Variants in PCDHGA1 observed in about 807,000 individuals in gnomAD.
PCDHGA1 encodes the protein protocadherin gamma subfamily A, 1.
In PCDHGA1, 32 loss-of-function variants were observed where a neutral mutation model predicts 58.0. That is an observed-to-expected ratio of 0.55 (90% CI 0.42 to 0.74). The LOEUF is 0.74. PCDHGA1 is among the 30% of genes least tolerant of loss of function. The pLI, the probability that PCDHGA1 is intolerant of heterozygous loss-of-function variation, is 0.00. For synonymous variants in PCDHGA1, 498 were observed against 501.1 expected, an observed-to-expected ratio of 0.99 and a Z score of 0.08; for missense variants, 1,205 against 1,182.3, an observed-to-expected ratio of 1.02 and a Z score of -0.28.
At position 141,511,871 on chromosome 5, in the gene PCDHGA1, A is replaced by T. The variant is rs1306732557; in HGVS notation, c.*698A>T. On this transcript the variant is annotated 3_prime_UTR_variant, in exon 4 of 4. Coordinates refer to ENST00000517417, the MANE Select transcript of PCDHGA1 (RefSeq NM_018912.3). ...TTGTTTTTCATTGTTTGACGTTTCCACTGCATGCCTTGACTTCCCCCACCT... is the reference window on the plus strand; with the variant it reads ...TTGTTTTTCATTGTTTGACGTTTCCTCTGCATGCCTTGACTTCCCCCACCT... 1 of 156,376 alleles carries T rather than the reference A, an allele frequency of 6.4e-6. No homozygotes were observed. The highest frequency in any genetic ancestry group is 1.9e-4 in the East Asian group (1 of 5,268). 9.7% of individuals were successfully genotyped at this position (156,376 alleles called of 1,614,324 possible).
intron 1 of PCDHGA1, chr5:141,366,073 C>T (rs766163319): frequency 3.7e-6 from 6 of 1,614,234 alleles, no homozygotes; most frequent in Non-Finnish European, 5.1e-6. Flanking sequence ...CGCCTCGCTC[C>T]GCAGAACCTG....
Position 141,486,058 on chromosome 5 carries a change from G to A in PCDHGA1, c.2422-8749G>A. On this transcript the variant is annotated intron_variant, in intron 1 of 3. Transcript: ENST00000517417. The surrounding 1 kb of genome is among the most constrained non-coding windows in gnomAD (Gnocchi z 5.0). The stretch of plus-strand genomic sequence containing the variant: ...ATCGTGTAAGAAACCTCTTTAGCCT[G>A]CACCCCACTACTGGAAAGCTTACTC... The A allele has an allele frequency of 6.2e-7, 1 of 1,614,122 alleles. No homozygotes were observed. The highest frequency in any genetic ancestry group is 8.5e-7 in the Non-Finnish European group (1 of 1,180,012).
chr5:141,469,511 G>A (rs2099203340), intron 1 of PCDHGA1, among the ~76,000 whole-genome samples: 1 of 152,038 alleles, frequency 6.6e-6, no homozygotes, highest in African/African-American at 2.4e-5. Flanking sequence ...GGAGGTGGAG[G>A]TTGCAGTGAG....
At chr5:141,427,770 C>T (rs775095791) in intron 1 of PCDHGA1, 2 of 1,399,194 alleles carry the variant, frequency 1.4e-6, no homozygotes, top group Non-Finnish European at 2.0e-6. Context: ...TGACTTGGAG[C>T]TGCGGGCACT....
intron 1 of PCDHGA1, chr5:141,356,703 GTCC>G (rs749123912): frequency 3.1e-6 from 5 of 1,613,980 alleles, no homozygotes; most frequent in Non-Finnish European, 3.4e-6. Context: ...GTGCACCTCT[GTCC>G]TCCTATGTCT....
At chr5:141,338,977 G>T in intron 1 of PCDHGA1, 2 of 1,531,718 alleles carry the variant, frequency 1.3e-6, no homozygotes, top group Non-Finnish European at 1.8e-6. Context: ...GGGAAATGGC[G>T]GCTCTGCAAA....
intron 1 of PCDHGA1, chr5:141,478,545 A>T: frequency 6.2e-7 from 1 of 1,605,606 alleles, no homozygotes; most frequent in Admixed American, 1.7e-5. Context: ...CCTCCCGGAC[A>T]GGTAAGGTTT....
Position 141,489,352 on chromosome 5 carries a change from G to A in PCDHGA1, c.2422-5455G>A, listed in dbSNP as rs1336068787. 1.9e-6 allele frequency: 3 copies of A among 1,612,152 alleles called. No homozygotes were observed. In the Admixed American group the frequency reaches 5.0e-5, roughly 27 times the overall value. On this transcript the variant is annotated intron_variant, in intron 1 of 3. Transcript: ENST00000517417. The surrounding 1 kb of genome is among the most constrained non-coding windows in gnomAD (Gnocchi z 4.5). ...GCAGCTTCGTTACTCAGTGGTGGAG[G>A]AGTCTGAGCCGGGGACGCTGGTGGG...
In PCDHGA1 at chr5:141,432,399, C is replaced by T. The variant is rs2097496727; in HGVS notation, c.2422-62408C>T. ...CACCCGCCCCTCAGCAGCAACGTGT[C>T]GTTGAGCCTGTTCGTGCTGGACCAG... is the stretch of plus-strand genomic sequence containing the variant. On this transcript the variant is annotated intron_variant, in intron 1 of 3. Coordinates refer to ENST00000517417, the MANE Select transcript of PCDHGA1 (RefSeq NM_018912.3). This position sits in a 1 kb window ranked among gnomAD's most constrained non-coding sequence, Gnocchi z 6.0. 1.2e-6 allele frequency: 2 copies of T among 1,614,240 alleles called. No homozygotes were observed. Among genetic ancestry groups the T allele is most frequent in the Non-Finnish European group, 1.7e-6 (2 of 1,180,040 alleles).
intron 1 of PCDHGA1, chr5:141,375,695 G>A (rs540188136): frequency 3.1e-6 from 5 of 1,614,132 alleles, no homozygotes; most frequent in Middle Eastern, 1.6e-4. Flanking sequence ...CAGCGACAGC[G>A]GGGACCCGCC....
At chr5:141,366,287 C>A (rs746594585) in intron 1 of PCDHGA1, 1 of 1,613,736 alleles carries the variant, frequency 6.2e-7, no homozygotes, top group African/African-American at 1.3e-5. Context: ...TGGCCAGCCC[C>A]CTCTGTCAGC....
intron 1 of PCDHGA1, among the ~76,000 whole-genome samples, chr5:141,448,521 GCATCCTGTCAGCATTTC>G (rs1378426350): frequency 1.3e-5 from 2 of 151,994 alleles, no homozygotes; most frequent in Non-Finnish European, 2.9e-5. Flanking sequence ...ACTTTATTAA[GCATCCTGTCAGCATTTC>G]TTATGCAAAT....
intron 1 of PCDHGA1, chr5:141,361,349 T>C (rs1459363979): frequency 1.2e-6 from 2 of 1,613,856 alleles, no homozygotes; most frequent in Non-Finnish European, 1.7e-6. Context: ...TACAAACTAG[T>C]GACAGACGGC....
chr5:141,371,872 C>A, intron 1 of PCDHGA1: 1 of 1,613,534 alleles, frequency 6.2e-7, no homozygotes, highest in Non-Finnish European at 8.5e-7. Context: ...TACATCGTGG[C>A]CAGTGACCTG....
At chr5:141,483,242 C>T (rs2099578681) in intron 1 of PCDHGA1, among the ~76,000 whole-genome samples, 1 of 151,558 alleles carries the variant, frequency 6.6e-6, no homozygotes, top group African/African-American at 2.4e-5. Flanking sequence ...AACTGATATG[C>T]ATATATCATG....
chr5:141,405,089 G>T, intron 1 of PCDHGA1: 2 of 1,613,878 alleles, frequency 1.2e-6, no homozygotes, highest in South Asian at 2.2e-5. Context: ...CACGCTGCTG[G>T]CCCTCAGGCT....
chr5:141,374,208 G>T (rs777295061), intron 1 of PCDHGA1: 11 of 1,613,952 alleles, frequency 6.8e-6, no homozygotes, highest in South Asian at 3.3e-5. Flanking sequence ...CTGGAGAAAG[G>T]CTCCTTCGTA....
chr5:141,356,674 G>A, intron 1 of PCDHGA1: 4 of 1,613,934 alleles, frequency 2.5e-6, no homozygotes, highest in Non-Finnish European at 2.5e-6. Flanking sequence ...TTACTCCCTG[G>A]CCGAAGACAC....
At position 141,486,045 on chromosome 5, in the gene PCDHGA1, A is replaced by G. The variant is rs2099623524; in HGVS notation, c.2422-8762A>G. The G allele has an allele frequency of 4.3e-6, 7 of 1,613,428 alleles. No individual in the cohort carries two copies. The highest frequency in any genetic ancestry group is 5.1e-6 in the Non-Finnish European group (6 of 1,179,858). ...GGTCATACCCCTGATCGTGTAAGAA[A>G]CCTCTTTAGCCTGCACCCCACTACT... On this transcript the variant is annotated intron_variant, in intron 1 of 3. Coordinates refer to ENST00000517417, the MANE Select transcript of PCDHGA1 (RefSeq NM_018912.3). This position sits in a 1 kb window ranked among gnomAD's most constrained non-coding sequence, Gnocchi z 5.0.
Sources: gnomAD v4.1 joint callset for allele counts (sites outside exome capture counted in the v4.1 genomes callset) on GRCh38, gnomAD v4.1.1 for gene constraint, Gnocchi (gnomAD v3.1) non-coding constraint, MANE v1.5 for transcripts, NCBI Gene and HGNC (gene_info 2026-07-23, HGNC 2026-07-21) for gene names.